The following RBM19 variants were observed in gnomAD, a reference collection of about 807,000 sequenced individuals.
RBM19 encodes RNA binding motif protein 19.
Under a neutral mutation model 116.8 loss-of-function variants are expected in RBM19, and 94 were observed. That is an observed-to-expected ratio of 0.80 (90% CI 0.68 to 0.95). The LOEUF (loss-of-function observed/expected upper bound fraction) is 0.95. Among genes scored for constraint, RBM19 ranks in the 40% least tolerant of loss-of-function variants. The probability of loss-of-function intolerance (pLI) is 0.00; values close to 1 mark genes in which losing one functional copy is unlikely to be tolerated. For missense variants in RBM19, 1,161 were observed against 1,220.7 expected, an observed-to-expected ratio of 0.95 and a Z score of 0.73; for synonymous variants, 475 against 494.1, an observed-to-expected ratio of 0.96 and a Z score of 0.51.
At chr12:113,843,033 A>G (rs1876635117) in intron 23 of RBM19, among the ~76,000 whole-genome samples, 2 of 152,192 alleles carry the variant, frequency 1.3e-5, no homozygotes, top group South Asian at 2.1e-4. Context: ...TGGAGTTCCA[A>G]GTCCACTTGT....
intron 21 of RBM19, among the ~76,000 whole-genome samples, chr12:113,887,565 A>G (rs1195185870): frequency 7.0e-6 from 1 of 142,718 alleles, no homozygotes; most frequent in South Asian, 2.3e-4. Flanking sequence ...TAAACCCGGG[A>G]GTGAGGTTGC....
chr12:113,924,814 G>A, intron 17 of RBM19, 57 bp from the exon 18 acceptor site: 8 of 1,462,554 alleles, frequency 5.5e-6, no homozygotes, highest in Non-Finnish European at 7.7e-6. Flanking sequence ...GCAGGCAAGG[G>A]CACCTGTCAA....
chr12:113,854,960 C>T (rs979165207), intron 22 of RBM19, among the ~76,000 whole-genome samples: 2 of 152,368 alleles, frequency 1.3e-5, no homozygotes, highest in East Asian at 1.9e-4. Context: ...CTATTATCAT[C>T]AGTTGCCTGG....
chr12:113,964,901 CTG>C lies in RBM19; in HGVS notation c.36+1289_36+1290del, dbSNP rs145592289. Reference sequence around the variant, plus strand: ...TACTATACTGTTTGAATTTTGAAAACTGTGTGTTACAAAGTTCCTTTGTCCCA... The same window carrying C: ...TACTATACTGTTTGAATTTTGAAAACTGTGTTACAAAGTTCCTTTGTCCCA... On this transcript the variant is annotated intron_variant, in intron 1 of 23. Transcript: ENST00000261741. Among the ~76,000 whole-genome samples, 752 of 151,638 alleles carry C rather than the reference CTG, an allele frequency of 5.0e-3. 3 individuals carry two copies. Among genetic ancestry groups the C allele is most frequent in the African/African-American group, 0.016 (681 of 41,300 alleles).
chr12:113,957,753 C>G, intron 6 of RBM19, 29 bp downstream of exon 6: 1 of 1,539,748 alleles, frequency 6.5e-7, no homozygotes, highest in Non-Finnish European at 8.7e-7. Flanking sequence ...CGCACCTCCT[C>G]CCTCATCACC....
rs184262577 is a variant in RBM19, at chr12:113,934,981, G to A, written c.2068+2026C>T. Among the ~76,000 whole-genome samples, 639 of 152,274 alleles carry A rather than the reference G, an allele frequency of 4.2e-3. 13 individuals are homozygous for A. The highest frequency in any genetic ancestry group is 0.036 in the Admixed American group (549 of 15,290). ...TGGGCCCCCCGGGGTGCTGGGTACC[G>A]GGCAGTGAAGGAGACAGCCCCATTC... On this transcript the variant is annotated intron_variant, in intron 16 of 23. Transcript: ENST00000261741.
intron 16 of RBM19, among the ~76,000 whole-genome samples, chr12:113,933,301 C>T (rs758210801): frequency 9.3e-6 from 1 of 107,740 alleles, no homozygotes; most frequent in Non-Finnish European, 1.8e-5. Context: ...CCTCGTACAA[C>T]GGGGGAGTCG....
intron 21 of RBM19, among the ~76,000 whole-genome samples, chr12:113,871,584 C>A (rs2049624): frequency 0.93 from 141,082 of 152,324 alleles, 65,388 homozygotes; most frequent in East Asian, 0.99. Context: ...CTTTATTTAC[C>A]AAAACGGACG....
At chr12:113,908,775 G>A (rs1321692226) in intron 21 of RBM19, among the ~76,000 whole-genome samples, 2 of 152,114 alleles carry the variant, frequency 1.3e-5, no homozygotes, top group East Asian at 1.9e-4. Context: ...TGTGTGACCT[G>A]GGGCAGACTG....
At chr12:113,943,325 G>A (rs1243634051) in intron 13 of RBM19, among the ~76,000 whole-genome samples, 2 of 152,072 alleles carry the variant, frequency 1.3e-5, no homozygotes, top group Non-Finnish European at 1.5e-5. Context: ...GATCTGAAGC[G>A]GCTGCAGGCC....
chr12:113,871,593 C>A (rs1211055087), intron 21 of RBM19, among the ~76,000 whole-genome samples: 1 of 152,186 alleles, frequency 6.6e-6, no homozygotes, highest in Admixed American at 6.5e-5. Context: ...CCAAAACGGA[C>A]GACGGGGACG....
At chr12:113,844,120 G>A (rs1876737497) in intron 23 of RBM19, among the ~76,000 whole-genome samples, 2 of 152,252 alleles carry the variant, frequency 1.3e-5, no homozygotes, top group Non-Finnish European at 2.9e-5. Context: ...CACCTGAATA[G>A]TCACTGAGGC....
chr12:113,922,248 C>G (rs373274403), intron 18 of RBM19, among the ~76,000 whole-genome samples: 1 of 152,166 alleles, frequency 6.6e-6, no homozygotes, highest in Non-Finnish European at 1.5e-5. Flanking sequence ...CCCAGCCACA[C>G]GTCGGCCCCT....
intron 16 of RBM19, among the ~76,000 whole-genome samples, chr12:113,927,607 A>AAAC (rs200677209): frequency 3.0e-4 from 31 of 103,226 alleles, no homozygotes; most frequent in Admixed American, 2.4e-3. Flanking sequence ...AAAAAAAACA[A>AAAC]AAAAAAAAAA....
intron 21 of RBM19, among the ~76,000 whole-genome samples, chr12:113,864,631 A>C (rs750959608): frequency 3.9e-5 from 6 of 152,214 alleles, no homozygotes; most frequent in Non-Finnish European, 7.3e-5. Context: ...CAAGTTGGAG[A>C]GATAGACCAA....
chr12:113,866,407 T>A (rs994900000), intron 21 of RBM19, among the ~76,000 whole-genome samples: 1 of 152,196 alleles, frequency 6.6e-6, no homozygotes, highest in African/African-American at 2.4e-5. Flanking sequence ...ATTTTCTAGA[T>A]GAGAAATCCC....
At chr12:113,819,107 G>A (rs1287027722), downstream of RBM19, among the ~76,000 whole-genome samples, 3 of 152,190 alleles carry the variant, frequency 2.0e-5, no homozygotes, top group African/African-American at 7.2e-5. Flanking sequence ...AGCTCAAGGG[G>A]CCAGGCCCCT....
intron 8 of RBM19, 27 bp downstream of exon 8, chr12:113,952,485 C>A: frequency 6.3e-7 from 1 of 1,593,090 alleles, no homozygotes; most frequent in Non-Finnish European, 8.6e-7. Flanking sequence ...TACCCGCCTT[C>A]CCACCTGGAA....
chr12:113,951,279 G>A (rs11066848), intron 8 of RBM19, among the ~76,000 whole-genome samples: 13,352 of 152,052 alleles, frequency 0.088, 685 homozygotes, highest in East Asian at 0.17. Flanking sequence ...CTTGGATGCC[G>A]GCTCTCTCCA....
Sources: allele counts gnomAD v4.1 joint callset (sites outside exome capture counted in the v4.1 genomes callset), GRCh38; gene constraint gnomAD v4.1.1; transcripts MANE v1.5; gene names NCBI Gene and HGNC (gene_info 2026-07-23, HGNC 2026-07-21).